EXOC4: variants seen among roughly 807,000 people sequenced by gnomAD.
EXOC4 encodes SEC8-like 1.
EXOC4 carries 71 observed loss-of-function variants against 107.2 expected under a neutral mutation model. That is an observed-to-expected ratio of 0.66 (90% CI 0.55 to 0.81). The LOEUF (loss-of-function observed/expected upper bound fraction) is 0.81, where lower values mean the gene tolerates loss of function less well. Ranked by LOEUF, EXOC4 falls within the 30% of genes least tolerant of loss-of-function variation. The pLI, the probability that EXOC4 is intolerant of heterozygous loss-of-function variation, is 0.00. For synonymous variants in EXOC4, 456 were observed against 441.2 expected (o/e 1.03, Z -0.42); for missense variants, 1,108 against 1,189.6 (o/e 0.93, Z 1.01).
chr7:133,721,336 A>G (rs1442900133), intron 10 of EXOC4, among the ~76,000 whole-genome samples: 2 of 152,200 alleles, frequency 1.3e-5, no homozygotes, highest in African/African-American at 2.4e-5. Context: ...AGATTCTTAT[A>G]GTATCCTTAG....
At chr7:134,067,634 T>TACACACACACACACACAC (rs375285410), downstream of EXOC4, among the ~76,000 whole-genome samples, 1 of 133,758 alleles carries the variant, frequency 7.5e-6, no homozygotes, top group Non-Finnish European at 1.6e-5. Flanking sequence ...CTTATATATA[T>TACACACACACACACACAC]ATATACACAC....
intron 9 of EXOC4, among the ~76,000 whole-genome samples, chr7:133,589,622 T>C (rs12707100): frequency 0.16 from 24,057 of 152,164 alleles, 2,194 homozygotes; most frequent in South Asian, 0.24. Context: ...CAACTTTAAT[T>C]TTCCAGTCAG....
intron 10 of EXOC4, among the ~76,000 whole-genome samples, chr7:133,703,425 C>G (rs910392664): frequency 4.6e-5 from 7 of 152,214 alleles, no homozygotes; most frequent in Admixed American, 4.6e-4. Flanking sequence ...GTGGCATGAA[C>G]ATGATTTTTG....
At chr7:133,716,516 A>T (rs1795001648) in intron 10 of EXOC4, among the ~76,000 whole-genome samples, 1 of 152,256 alleles carries the variant, frequency 6.6e-6, no homozygotes, top group Non-Finnish European at 1.5e-5. Flanking sequence ...ACTTGAAAAC[A>T]TAAAATGGTT....
chr7:133,994,802 ATACCT>A (rs1794349939), intron 14 of EXOC4, among the ~76,000 whole-genome samples: 2 of 151,834 alleles, frequency 1.3e-5, no homozygotes, highest in African/African-American at 4.8e-5. Context: ...TAGTAATCTC[ATACCT>A]TAACTGTAAC....
At chr7:133,605,900 A>C (rs991415150) in intron 9 of EXOC4, among the ~76,000 whole-genome samples, 2 of 152,104 alleles carry the variant, frequency 1.3e-5, no homozygotes, top group African/African-American at 4.8e-5. Flanking sequence ...CAGAAAAATG[A>C]GGTGGAATTA....
chr7:133,346,853 T>C (rs1423577936), intron 5 of EXOC4, among the ~76,000 whole-genome samples: 1 of 152,232 alleles, frequency 6.6e-6, no homozygotes, highest in Non-Finnish European at 1.5e-5. Context: ...ACCAAGAGTT[T>C]CTATAGTAAA....
Position 133,572,729 on chromosome 7 carries a change from CTTTTGG to C in EXOC4, c.1418-57315_1418-57310del, listed in dbSNP as rs1407569713. Reference sequence around the variant, plus strand: ...AAGAGCCGTTGGCATTCCAGGGAAGCTTTTGGGGTCCTTAAATGTCATTCCACTGAA... The same window carrying C: ...AAGAGCCGTTGGCATTCCAGGGAAGCGGTCCTTAAATGTCATTCCACTGAA... On this transcript the variant is annotated intron_variant, in intron 9 of 17. Transcript: ENST00000253861. 1.8e-4 allele frequency among the ~76,000 whole-genome samples: 28 copies of C among 152,240 alleles called. No homozygotes were observed. The East Asian group carries it at 3.1e-3, about 17-fold the overall frequency.
intron 7 of EXOC4, among the ~76,000 whole-genome samples, chr7:133,441,052 G>A (rs2150791268): frequency 6.6e-6 from 1 of 152,298 alleles, no homozygotes; most frequent in African/African-American, 2.4e-5. Flanking sequence ...ACTATTGGGA[G>A]ATTTTGGCTG....
rs1359244256 is a variant in EXOC4 at position 133,550,576 on chromosome 7, A to G, written c.1417+70438A>G. Among the ~76,000 whole-genome samples, 6 of 152,310 alleles carry G rather than the reference A, an allele frequency of 3.9e-5. No individual in the cohort carries two copies. In the East Asian group the frequency reaches 1.2e-3, roughly 29 times the overall value. ...GGCCTTACTGTGTTTTATTACCACC[A>G]ACAGTATTATAAGTATAAGGCTTTT... On this transcript the variant is annotated intron_variant, in intron 9 of 17. Transcript: ENST00000253861.
the EXOC4 span, among the ~76,000 whole-genome samples, chr7:134,086,551 G>A: frequency 6.6e-6 from 1 of 152,138 alleles, no homozygotes; most frequent in Non-Finnish European, 1.5e-5. Flanking sequence ...GTTTAGTAAT[G>A]CATGCTGTAC....
chr7:133,968,497 T>C (rs1188847485), intron 14 of EXOC4, among the ~76,000 whole-genome samples: 2 of 152,210 alleles, frequency 1.3e-5, no homozygotes, highest in African/African-American at 4.8e-5. Flanking sequence ...TTTTCCATAT[T>C]TAGTACTTCC....
chr7:133,772,489 C>T (rs934605661), intron 10 of EXOC4, among the ~76,000 whole-genome samples: 6 of 151,280 alleles, frequency 4.0e-5, no homozygotes, highest in African/African-American at 2.4e-5. Flanking sequence ...TGTAACTAAC[C>T]TGCACAATGT....
intron 10 of EXOC4, among the ~76,000 whole-genome samples, chr7:133,633,798 T>A (rs78191262): frequency 6.6e-6 from 1 of 151,522 alleles, no homozygotes; most frequent in African/African-American, 2.4e-5. Flanking sequence ...CATTGTATCA[T>A]TTTTTTTTCT....
intron 13 of EXOC4, among the ~76,000 whole-genome samples, chr7:133,919,944 G>C (rs1220112096): frequency 1.3e-5 from 2 of 152,144 alleles, no homozygotes; most frequent in African/African-American, 4.8e-5. Context: ...AATATGTTTA[G>C]TTGTATAAGA....
chr7:133,597,266 C>T (rs1801695465), intron 9 of EXOC4, among the ~76,000 whole-genome samples: 1 of 152,096 alleles, frequency 6.6e-6, no homozygotes, highest in African/African-American at 2.4e-5. Flanking sequence ...GCATAGAATC[C>T]TTGGAGGCTG....
intron 1 of EXOC4, among the ~76,000 whole-genome samples, chr7:133,268,171 C>T (rs746580194): frequency 1.1e-4 from 16 of 152,116 alleles, no homozygotes; most frequent in Non-Finnish European, 2.2e-4. Flanking sequence ...AAGAAAAAAA[C>T]AGACCCAGAA....
At chr7:134,003,979 G>A (rs1450776740) in intron 15 of EXOC4, among the ~76,000 whole-genome samples, 1 of 152,100 alleles carries the variant, frequency 6.6e-6, no homozygotes, top group Non-Finnish European at 1.5e-5. Context: ...TCCTCAAGCT[G>A]TCAGATATGT....
At chr7:133,334,027 C>T (rs1033736751) in intron 5 of EXOC4, among the ~76,000 whole-genome samples, 3 of 152,220 alleles carry the variant, frequency 2.0e-5, no homozygotes, top group Admixed American at 2.0e-4. Context: ...TCTTTTCGAC[C>T]CCAACCCACT....
Sources: allele counts gnomAD v4.1 joint callset (sites outside exome capture counted in the v4.1 genomes callset), GRCh38; gene constraint gnomAD v4.1.1; transcripts MANE v1.5; gene names NCBI Gene and HGNC (gene_info 2026-07-23, HGNC 2026-07-21).